The following PDE4D variants were observed in gnomAD, a reference collection of about 807,000 sequenced individuals.
The protein encoded by PDE4D is phosphodiesterase 4D, also known as 3',5'-cyclic-AMP phosphodiesterase 4D.
PDE4D carries 24 observed loss-of-function variants against 87.4 expected under a neutral mutation model. The ratio of observed to expected loss-of-function variants is 0.27; its 90% confidence interval spans 0.20 to 0.39. PDE4D has a LOEUF of 0.39. Ranked by LOEUF, PDE4D falls within the 10% of genes least tolerant of loss-of-function variation. The pLI is 1.00. For missense variants in PDE4D, 714 were observed against 1,041.0 expected, an observed-to-expected ratio of 0.69 and a Z score of 4.32; for synonymous variants, 384 against 383.2, an observed-to-expected ratio of 1.00 and a Z score of -0.02.
At chr5:60,455,294 T>C (rs899566208) in intron 1 of PDE4D, among the ~76,000 whole-genome samples, 1 of 152,148 alleles carries the variant, frequency 6.6e-6, no homozygotes, top group African/African-American at 2.4e-5. Flanking sequence ...CTAGATGACA[T>C]TTTAAGCCAT....
At chr5:59,617,065 C>A (rs1561334088) in intron 1 of PDE4D, among the ~76,000 whole-genome samples, 1 of 151,264 alleles carries the variant, frequency 6.6e-6, no homozygotes, top group African/African-American at 2.4e-5. Context: ...GGTGTATCTT[C>A]TCTTCTTATT....
intron 1 of PDE4D, among the ~76,000 whole-genome samples, chr5:59,768,027 G>C (rs1313812348): frequency 6.6e-6 from 1 of 152,126 alleles, no homozygotes; most frequent in African/African-American, 2.4e-5. Flanking sequence ...ATTGAACTTT[G>C]AGAACCACCC....
intron 1 of PDE4D, among the ~76,000 whole-genome samples, chr5:59,391,266 G>T (rs984975883): frequency 1.3e-5 from 2 of 152,058 alleles, no homozygotes; most frequent in Non-Finnish European, 2.9e-5. Context: ...TTTCTCCTAG[G>T]GGACTTCATT....
At chr5:59,085,370 C>T (rs1346491327) in intron 5 of PDE4D, among the ~76,000 whole-genome samples, 1 of 152,130 alleles carries the variant, frequency 6.6e-6, no homozygotes, top group East Asian at 1.9e-4. Context: ...TACACACTCT[C>T]ACACACAGAG....
intron 1 of PDE4D, among the ~76,000 whole-genome samples, chr5:60,453,696 A>G (rs1746259285): frequency 6.6e-6 from 1 of 152,074 alleles, no homozygotes; most frequent in Non-Finnish European, 1.5e-5. Context: ...TGTAAGGTCC[A>G]TAGCTCCTCC....
At chr5:60,306,101 A>T (rs1188756559) in intron 1 of PDE4D, among the ~76,000 whole-genome samples, 1 of 152,118 alleles carries the variant, frequency 6.6e-6, no homozygotes, top group African/African-American at 2.4e-5. Flanking sequence ...TAGAAATTAT[A>T]TAAACCACAA....
intron 1 of PDE4D, among the ~76,000 whole-genome samples, chr5:59,596,296 A>T (rs957864760): frequency 2.0e-5 from 3 of 151,040 alleles, no homozygotes; most frequent in South Asian, 4.1e-4. Flanking sequence ...AAATGAAAAT[A>T]TTTCATTTAG....
chr5:59,113,461 T>C (rs1773031768), intron 5 of PDE4D, among the ~76,000 whole-genome samples: 1 of 152,326 alleles, frequency 6.6e-6, no homozygotes, highest in African/African-American at 2.4e-5. Context: ...CAAAAACACA[T>C]CAACAAATCA....
chr5:60,449,119 T>G (rs1050644375), intron 1 of PDE4D, among the ~76,000 whole-genome samples: 16 of 146,274 alleles, frequency 1.1e-4, no homozygotes, highest in Non-Finnish European at 1.9e-4. Context: ...AAATATGTTT[T>G]AAAAGAGTTA....
chr5:59,854,491 G>A (rs557211724), intron 1 of PDE4D, among the ~76,000 whole-genome samples: 50 of 151,834 alleles, frequency 3.3e-4, no homozygotes, highest in African/African-American at 1.1e-3. Context: ...ACTCAAATAT[G>A]TCAGTATTTT....
Position 59,162,861 on chromosome 5 carries a change from A to C in PDE4D, c.808+17734T>G, listed in dbSNP as rs1781332250. Among the ~76,000 whole-genome samples, 4 of 151,364 alleles carry C rather than the reference A, an allele frequency of 2.6e-5. No individual in the cohort carries two copies. The South Asian group carries it at 8.3e-4, about 32-fold the overall frequency. On this transcript the variant is annotated intron_variant, in intron 5 of 14. Transcript: ENST00000340635. ...AAAGTGAGACCCTGCATCAAAAAAAAAAAAAATTGTAATTAAATCTTATTT... is the reference window on the plus strand; with the variant it reads ...AAAGTGAGACCCTGCATCAAAAAAACAAAAAATTGTAATTAAATCTTATTT...
At chr5:59,394,984 G>A (rs1011621706) in intron 1 of PDE4D, among the ~76,000 whole-genome samples, 1 of 152,058 alleles carries the variant, frequency 6.6e-6, no homozygotes, top group Non-Finnish European at 1.5e-5. Flanking sequence ...GGCACCTGGA[G>A]AATCGGGTCA....
rs563185559 is a variant in PDE4D at position 59,371,757 on chromosome 5, C to T, written c.456-155789G>A. ...ATATACTATAGGTTATCTGGTGAGACACAGTTATGAGTCAACGGGAATAAA... is the reference window on the plus strand; with the variant it reads ...ATATACTATAGGTTATCTGGTGAGATACAGTTATGAGTCAACGGGAATAAA... On this transcript the variant is annotated intron_variant, in intron 1 of 14. Transcript: ENST00000340635. Among the ~76,000 whole-genome samples the T allele has an allele frequency of 1.1e-4, 16 of 152,310 alleles. No individual in the cohort carries two copies. The South Asian group carries it at 3.1e-3, about 30-fold the overall frequency.
At chr5:59,651,267 T>C (rs747915439) in intron 1 of PDE4D, among the ~76,000 whole-genome samples, 14,167 of 137,686 alleles carry the variant, frequency 0.1, 881 homozygotes, top group Admixed American at 0.15. Flanking sequence ...ACAATAATAA[T>C]AATAATAATA....
At chr5:60,126,277 C>T (rs543736213) in intron 2 of PDE4D, among the ~76,000 whole-genome samples, 12 of 151,930 alleles carry the variant, frequency 7.9e-5, no homozygotes, top group Middle Eastern at 6.9e-3. Context: ...AACTTAAACC[C>T]GAGGTCATTA....
chr5:59,460,450 T>G (rs1800592264), intron 1 of PDE4D, among the ~76,000 whole-genome samples: 1 of 152,164 alleles, frequency 6.6e-6, no homozygotes, highest in Admixed American at 6.5e-5. Context: ...AACCACCAGA[T>G]GATGTCAAGA....
intron 2 of PDE4D, among the ~76,000 whole-genome samples, chr5:60,074,189 G>A (rs1773042022): frequency 6.6e-6 from 1 of 152,102 alleles, no homozygotes; most frequent in South Asian, 2.1e-4. Context: ...GGTTAACATT[G>A]CCTTAGCTGT....
At chr5:60,036,451 G>A (rs950993584) in intron 2 of PDE4D, among the ~76,000 whole-genome samples, 7 of 152,152 alleles carry the variant, frequency 4.6e-5, no homozygotes, top group Non-Finnish European at 8.8e-5. Context: ...ACTCAAACAG[G>A]ATGATTGATG....
chr5:59,706,206 C>T (rs551287329), intron 1 of PDE4D, among the ~76,000 whole-genome samples: 1 of 152,262 alleles, frequency 6.6e-6, no homozygotes, highest in Admixed American at 6.5e-5. Context: ...GGATGTTCTT[C>T]ACCCAAGTTA....
Sources: gnomAD v4.1 joint callset for allele counts (sites outside exome capture counted in the v4.1 genomes callset) on GRCh38, gnomAD v4.1.1 for gene constraint, MANE v1.5 for transcripts, NCBI Gene and HGNC (gene_info 2026-07-23, HGNC 2026-07-21) for gene names.